Variants in WNT7A observed in about 807,000 individuals in gnomAD.
WNT7A encodes the protein protein Wnt-7a.
WNT7A carries 16 observed loss-of-function variants against 28.2 expected under a neutral mutation model. The ratio of observed to expected loss-of-function variants is 0.57; its 90% CI spans 0.38 to 0.86. The LOEUF is 0.86. WNT7A is among the 40% of genes least tolerant of loss of function. The probability of loss-of-function intolerance (pLI) is 0.00; values close to 1 mark genes in which losing one functional copy is unlikely to be tolerated. For missense variants in WNT7A, 411 were observed against 489.7 expected (o/e 0.84, Z 1.52); for synonymous variants, 190 against 195.9 (o/e 0.97, Z 0.25).
At chr3:13,824,656 T>A (rs889746501) in intron 3 of WNT7A, among the ~76,000 whole-genome samples, 1 of 152,146 alleles carries the variant, frequency 6.6e-6, no homozygotes, top group Non-Finnish European at 1.5e-5. Context: ...CCATGCTCTC[T>A]CCGCAGCAGC....
At chr3:13,828,098 G>T (rs1461622325) in intron 3 of WNT7A, among the ~76,000 whole-genome samples, 2 of 152,202 alleles carry the variant, frequency 1.3e-5, no homozygotes, top group Non-Finnish European at 2.9e-5. Flanking sequence ...CCCCGAAACT[G>T]AAGTAGCCCC....
chr3:13,827,051 G>A (rs1694207134), intron 3 of WNT7A, among the ~76,000 whole-genome samples: 1 of 152,206 alleles, frequency 6.6e-6, no homozygotes, highest in Admixed American at 6.5e-5. Flanking sequence ...GGGATCCCTA[G>A]TCACTACTCC....
At chr3:13,878,943 C>G (rs1695160120) in intron 1 of WNT7A, among the ~76,000 whole-genome samples, 2 of 152,206 alleles carry the variant, frequency 1.3e-5, no homozygotes, top group South Asian at 4.1e-4. Context: ...AGAGCGCCCC[C>G]GAGCCCCACC....
At chr3:13,833,327 C>T (rs1484981249) in intron 3 of WNT7A, among the ~76,000 whole-genome samples, 2 of 152,194 alleles carry the variant, frequency 1.3e-5, no homozygotes, top group Admixed American at 1.3e-4. Flanking sequence ...GCACAGATAG[C>T]CCTTCACACA....
intron 3 of WNT7A, among the ~76,000 whole-genome samples, chr3:13,836,445 G>A (rs766545603): frequency 2.6e-5 from 4 of 152,214 alleles, no homozygotes; most frequent in African/African-American, 4.8e-5. Context: ...CACCCCCAGA[G>A]GTTAGGATTT....
chr3:13,820,840 G>T (rs1057422417), intron 3 of WNT7A, among the ~76,000 whole-genome samples: 1 of 152,132 alleles, frequency 6.6e-6, no homozygotes, highest in Non-Finnish European at 1.5e-5. Flanking sequence ...CTCAGTATCT[G>T]CAATCAAATG....
chr3:13,839,512 G>A (rs901940290), intron 3 of WNT7A, among the ~76,000 whole-genome samples: 1 of 152,162 alleles, frequency 6.6e-6, no homozygotes, highest in Non-Finnish European at 1.5e-5. Context: ...AAGAAGAAAA[G>A]GGCAACTTTG....
intron 2 of WNT7A, among the ~76,000 whole-genome samples, chr3:13,860,616 C>T (rs1694813353): frequency 6.6e-6 from 1 of 152,008 alleles, no homozygotes; most frequent in Non-Finnish European, 1.5e-5. Flanking sequence ...GAAACTGAGG[C>T]TTGGGGAGAT....
chr3:13,878,470 A>C (rs1352397827), intron 1 of WNT7A, among the ~76,000 whole-genome samples: 1 of 152,044 alleles, frequency 6.6e-6, no homozygotes. Context: ...CACTTAAAAC[A>C]CACCGGCAGG....
chr3:13,819,605 T>C (rs1351195935), intron 3 of WNT7A, among the ~76,000 whole-genome samples, 182 bp from the exon 4 acceptor site: 2 of 151,576 alleles, frequency 1.3e-5, no homozygotes, highest in Non-Finnish European at 2.9e-5. Flanking sequence ...GCCTTTGTGC[T>C]GTGCAAGCCA....
chr3:13,875,009 T>G lies in WNT7A; in HGVS notation c.236A>C (p.Asn79Thr). 1 of 1,614,208 alleles carries G rather than the reference T, an allele frequency of 6.2e-7. No individual in the cohort carries two copies. The highest frequency in any genetic ancestry group is 1.1e-5 in the South Asian group (1 of 91,082). ...CAGTGCAGAGCAGTTCCAGCGGCCA[T>G]TGCGGAACTGAAACTGACACTCGTC... is the stretch of plus-strand genomic sequence containing the variant. Reference protein sequence around the residue: ...GLDECQFQFRNGRWNCSALGE... With the variant: ...GLDECQFQFRTGRWNCSALGE... The change falls in exon 2 of 4, where the codon AAT becomes ACT. Residue 79 changes from asparagine (N) to threonine (T), a missense_variant. Transcript: ENST00000285018.
At chr3:13,835,363 A>G (rs1376969969) in intron 3 of WNT7A, among the ~76,000 whole-genome samples, 3 of 152,268 alleles carry the variant, frequency 2.0e-5, no homozygotes, top group African/African-American at 7.2e-5. Flanking sequence ...ACGGGAAAGC[A>G]CGCAGAAACC....
intron 2 of WNT7A, among the ~76,000 whole-genome samples, chr3:13,856,987 G>GAGAAGAAGAAGAAGA (rs111694534): frequency 1.5e-4 from 11 of 71,638 alleles, no homozygotes; most frequent in South Asian, 5.0e-4. Flanking sequence ...GAAGAAGAAG[G>GAGAAGAAGAAGAAGA]AGAAGAAGAA....
chr3:13,837,424 C>T (rs1012219092), intron 3 of WNT7A, among the ~76,000 whole-genome samples: 21 of 151,892 alleles, frequency 1.4e-4, no homozygotes, highest in Admixed American at 4.6e-4. Flanking sequence ...GCTTGCTCTC[C>T]CCTCCCCTCC....
chr3:13,870,083 C>T (rs1170237089), intron 2 of WNT7A, among the ~76,000 whole-genome samples: 2 of 152,320 alleles, frequency 1.3e-5, no homozygotes, highest in Non-Finnish European at 1.5e-5. Flanking sequence ...CCTGAGGTCT[C>T]ACTTCTGAGA....
Position 13,845,416 on chromosome 3 carries a change from A to G in WNT7A, c.570+9116T>C, listed in dbSNP as rs372250749. 5.3e-5 allele frequency among the ~76,000 whole-genome samples: 8 copies of G among 152,330 alleles called. 1 individual carries two copies. The highest frequency in any genetic ancestry group is 3.9e-4 in the East Asian group (2 of 5,184). On this transcript the variant is annotated intron_variant, in intron 3 of 3. Coordinates refer to ENST00000285018, the MANE Select transcript of WNT7A (RefSeq NM_004625.4). ...CATGGACTGTGAAATAGAATTTTTA[A>G]TCTTATTTATTTGTAATTCATTTAA...
rs1309171342 is a variant in WNT7A, at chr3:13,819,358, C to G, written c.636G>C (p.Lys212Asn). Residue 212 changes from lysine (K) to asparagine (N), a missense_variant, in exon 4 of 4, where the codon AAG (lysine) becomes AAC (asparagine). Transcript: ENST00000285018. ...CHGVSGSCTTKTCWTTLPQFR... is the reference protein window; with the variant it reads ...CHGVSGSCTTNTCWTTLPQFR... ...ACTGTGGCAGTGTGGTCCAGCACGT[C>G]TTGGTGGTGCACGAGCCTGACACGC... The G allele has an allele frequency of 6.2e-7, 1 of 1,613,510 alleles. No individual in the cohort carries two copies.
chr3:13,868,992 GAGAAAGAGAGAA>G (rs1215177499), intron 2 of WNT7A, among the ~76,000 whole-genome samples: 2 of 145,972 alleles, frequency 1.4e-5, no homozygotes, highest in East Asian at 2.1e-4. Context: ...GAAAGAAAAA[GAGAAAGAGAGAA>G]AGAAAGAGAG....
At chr3:13,826,084 T>C (rs1292539336) in intron 3 of WNT7A, among the ~76,000 whole-genome samples, 1 of 152,180 alleles carries the variant, frequency 6.6e-6, no homozygotes, top group Non-Finnish European at 1.5e-5. Context: ...CTCATGCACC[T>C]GTTTCACAGT....
Sources: gnomAD v4.1 joint callset for allele counts (sites outside exome capture counted in the v4.1 genomes callset) on GRCh38, gnomAD v4.1.1 for gene constraint, MANE v1.5 for transcripts, NCBI Gene and HGNC (gene_info 2026-07-23, HGNC 2026-07-21) for gene names.